Variants in BRINP2 observed in about 807,000 individuals in gnomAD.
The protein encoded by BRINP2 is BMP/retinoic acid inducible neural specific 2.
Under a neutral mutation model 69.2 loss-of-function variants are expected in BRINP2, and 21 were observed. The observed-to-expected ratio is 0.30, with a 90% CI of 0.22 to 0.44. BRINP2 has a LOEUF of 0.44. Ranked by LOEUF, BRINP2 falls within the 20% of genes least tolerant of loss-of-function variation. BRINP2 has a pLI of 1.00. For missense variants in BRINP2, 877 were observed against 986.0 expected (o/e 0.89, Z 1.48); for synonymous variants, 380 against 394.1 (o/e 0.96, Z 0.42).
At chr1:177,181,775 T>A (rs2102289428) in intron 1 of BRINP2, among the ~76,000 whole-genome samples, 1 of 152,156 alleles carries the variant, frequency 6.6e-6, no homozygotes, top group Non-Finnish European at 1.5e-5. Context: ...CTTTCTGAAA[T>A]CTCCGACCTT....
Position 177,281,547 on chromosome 1 carries a change from A to C in BRINP2, c.*19A>C. 1 of 1,575,524 alleles carries C rather than the reference A, an allele frequency of 6.3e-7. No homozygotes were observed. The highest frequency in any genetic ancestry group is 8.6e-7 in the Non-Finnish European group (1 of 1,166,814). On this transcript the variant is annotated 3_prime_UTR_variant, in exon 8 of 8. Coordinates refer to ENST00000361539, the MANE Select transcript of BRINP2 (RefSeq NM_021165.4). Reference sequence around the variant, plus strand: ...TAGCTAATGGGCGGCCCACTTCAGCACTGGGCAAGGAGGGGATCCATGAAT... The same window carrying C: ...TAGCTAATGGGCGGCCCACTTCAGCCCTGGGCAAGGAGGGGATCCATGAAT...
intron 1 of BRINP2, among the ~76,000 whole-genome samples, chr1:177,216,951 A>G (rs892913979): frequency 2.0e-5 from 3 of 151,670 alleles, no homozygotes; most frequent in Non-Finnish European, 4.4e-5. Context: ...TTAATTTTTG[A>G]TAATTTGATT....
intron 4 of BRINP2, among the ~76,000 whole-genome samples, chr1:177,265,214 C>T (rs1020226192): frequency 6.6e-6 from 1 of 152,122 alleles, no homozygotes; most frequent in African/African-American, 2.4e-5. Context: ...AAATGATTCC[C>T]CTATTTAATA....
intron 1 of BRINP2, among the ~76,000 whole-genome samples, chr1:177,178,876 T>C (rs188047547): frequency 6.6e-6 from 1 of 152,338 alleles, no homozygotes; most frequent in East Asian, 1.9e-4. Flanking sequence ...ATGATTATAA[T>C]CATGATAATC....
At position 177,280,433 on chromosome 1, in the gene BRINP2, C is replaced by A. The variant is rs369846504; in HGVS notation, c.1257C>A (p.Asn419Lys). ...PKERSLSYWW[N>K]RIQSLLYCGE... Reference sequence around the variant, plus strand: ...CAAGGTCCTTGTCCTACTGGTGGAACCGAATCCAGTCCCTCCTCTACTGTG... The same window carrying A: ...CAAGGTCCTTGTCCTACTGGTGGAAACGAATCCAGTCCCTCCTCTACTGTG... The change falls in exon 8 of 8, where the codon AAC becomes AAA. Residue 419 changes from asparagine (N) to lysine (K), a missense_variant. Physicochemically the swap from Asn to Lys is moderately conservative, Grantham distance 94. This residue lies in a region of BRINP2 where 566 missense variants were observed against 625.2 expected (regional missense o/e 0.91). Transcript: ENST00000361539. The A allele has an allele frequency of 6.2e-7, 1 of 1,610,330 alleles. No individual in the cohort carries two copies. The highest frequency in any genetic ancestry group is 8.5e-7 in the Non-Finnish European group (1 of 1,178,164).
At chr1:177,192,495 A>G (rs1295145663) in intron 1 of BRINP2, among the ~76,000 whole-genome samples, 10 of 152,194 alleles carry the variant, frequency 6.6e-5, no homozygotes, top group Admixed American at 1.3e-4. Context: ...AACTCTGTCT[A>G]ACTTATTTTT....
intron 1 of BRINP2, among the ~76,000 whole-genome samples, chr1:177,194,316 T>C (rs1012127920): frequency 1.3e-5 from 2 of 152,214 alleles, no homozygotes; most frequent in Non-Finnish European, 2.9e-5. Flanking sequence ...ATCTTAGTCC[T>C]GGTTCCTTCT....
At chr1:177,224,984 T>G (rs1472172329) in intron 1 of BRINP2, among the ~76,000 whole-genome samples, 2 of 152,210 alleles carry the variant, frequency 1.3e-5, no homozygotes, top group African/African-American at 4.8e-5. Flanking sequence ...CTATCTCAAT[T>G]GCCAAGATCT....
intron 7 of BRINP2, among the ~76,000 whole-genome samples, chr1:177,279,639 A>C (rs1034760553): frequency 6.6e-6 from 1 of 152,224 alleles, no homozygotes; most frequent in African/African-American, 2.4e-5. Flanking sequence ...TGGTTTTGAG[A>C]GGAGTTCATT....
At chr1:177,212,274 G>A (rs888965564) in intron 1 of BRINP2, among the ~76,000 whole-genome samples, 10 of 152,128 alleles carry the variant, frequency 6.6e-5, no homozygotes, top group East Asian at 3.9e-4. Flanking sequence ...GGCCAGGCGC[G>A]GTGGCTCACG....
At chr1:177,214,700 T>C (rs1406768116) in intron 1 of BRINP2, among the ~76,000 whole-genome samples, 1 of 152,200 alleles carries the variant, frequency 6.6e-6, no homozygotes, top group African/African-American at 2.4e-5. Flanking sequence ...ATGAGAATCA[T>C]CAGCAAACTC....
chr1:177,246,211 A>C (rs1306742121), intron 2 of BRINP2, among the ~76,000 whole-genome samples: 2 of 152,218 alleles, frequency 1.3e-5, no homozygotes, highest in Non-Finnish European at 2.9e-5. Flanking sequence ...TCCCAGCCAC[A>C]GTGGTAAACA....
chr1:177,271,310 G>C (rs1378189110), intron 4 of BRINP2, among the ~76,000 whole-genome samples: 1 of 152,166 alleles, frequency 6.6e-6, no homozygotes, highest in Non-Finnish European at 1.5e-5. Context: ...AGTACAATTT[G>C]TTTTGCTCAA....
Position 177,257,372 on chromosome 1 carries a change from G to A in BRINP2, c.657G>A (p.Thr219=), listed in dbSNP as rs755618875. The A allele has an allele frequency of 1.9e-6, 3 of 1,609,904 alleles. No individual in the cohort carries two copies. The highest frequency in any genetic ancestry group is 8.5e-7 in the Non-Finnish European group (1 of 1,177,220). Residue 219 remains threonine, a synonymous_variant, in exon 4 of 8, where the codon ACG becomes ACA. Coordinates refer to ENST00000361539, the MANE Select transcript of BRINP2 (RefSeq NM_021165.4). Reference sequence around the variant, plus strand: ...GGCTGCACCATATCCAGATAGCCACGGGGGCCATCAAGGTAATGACCTGAG... The same window carrying A: ...GGCTGCACCATATCCAGATAGCCACAGGGGCCATCAAGGTAATGACCTGAG... ...LRRLHHIQIA[T]GAIKVTETRT... is the part of the protein sequence containing the mutation.
intron 6 of BRINP2, among the ~76,000 whole-genome samples, chr1:177,278,196 G>T (rs1463838756): frequency 6.6e-6 from 1 of 152,038 alleles, no homozygotes; most frequent in African/African-American, 2.4e-5. Flanking sequence ...TTATTGAAGA[G>T]GATTGGCCTT....
rs753864483 is a variant in BRINP2, at chr1:177,276,421, G to T, written c.999G>T (p.Gln333His). ...ACTCCTGGGCCACTCACAACCGGCA[G>T]TTTGAAGAGTCAGGTGAGCAGCCAG... ...IQDSWATHNRQFEESEEFQAL... is the reference protein window; with the variant it reads ...IQDSWATHNRHFEESEEFQAL... Residue 333 changes from glutamine (Q) to histidine (H), a missense_variant, in exon 6 of 8, where the codon CAG (glutamine) becomes CAT (histidine). Coordinates refer to ENST00000361539, the MANE Select transcript of BRINP2 (RefSeq NM_021165.4). 1 of 1,614,136 alleles carries T rather than the reference G, an allele frequency of 6.2e-7. No individual in the cohort carries two copies. The highest frequency in any genetic ancestry group is 8.5e-7 in the Non-Finnish European group (1 of 1,180,020).
rs574252566 is a variant in BRINP2 at position 177,279,564 on chromosome 1, C to T, written c.1235+779C>T. Reference sequence around the variant, plus strand: ...CTTCCAGGCAAAGGAGCTGCCTTCACGGCCAGCAACCCAGTGGTACAGCTC... The same window carrying T: ...CTTCCAGGCAAAGGAGCTGCCTTCATGGCCAGCAACCCAGTGGTACAGCTC... On this transcript the variant is annotated intron_variant, in intron 7 of 7. Transcript: ENST00000361539. 7.9e-5 allele frequency among the ~76,000 whole-genome samples: 12 copies of T among 152,296 alleles called. No homozygotes were observed. In the South Asian group the frequency reaches 1.5e-3, roughly 18 times the overall value.
intron 2 of BRINP2, among the ~76,000 whole-genome samples, chr1:177,242,115 C>A (rs536886307): frequency 6.6e-6 from 1 of 152,334 alleles, no homozygotes; most frequent in Admixed American, 6.5e-5. Context: ...TCACTCCTGC[C>A]TCTTCTCTAT....
At chr1:177,274,115 C>A (rs1651420051) in intron 5 of BRINP2, among the ~76,000 whole-genome samples, 2 of 152,188 alleles carry the variant, frequency 1.3e-5, no homozygotes, top group Admixed American at 1.3e-4. Context: ...TGATCTTGCA[C>A]ATGGGCAATT....
Sources: allele counts gnomAD v4.1 joint callset (sites outside exome capture counted in the v4.1 genomes callset), GRCh38; gene constraint gnomAD v4.1.1; regional missense constraint gnomAD v4.1.1; transcripts MANE v1.5; gene names NCBI Gene and HGNC (gene_info 2026-07-23, HGNC 2026-07-21).